The following TMEM144 variants were observed in gnomAD, a reference collection of about 807,000 sequenced individuals.
TMEM144 encodes the protein transmembrane protein 144.
In TMEM144, 39 loss-of-function variants were observed where a neutral mutation model predicts 43.6. That is an observed-to-expected ratio of 0.90 (90% confidence interval 0.69 to 1.17). The LOEUF (loss-of-function observed/expected upper bound fraction) is 1.17. Ranked by LOEUF, TMEM144 falls within the 50% of genes most tolerant of loss-of-function variation. TMEM144 has a pLI of 0.00. For missense variants in TMEM144, 417 were observed against 411.9 expected, an observed-to-expected ratio of 1.01 and a Z score of -0.11; for synonymous variants, 154 against 133.6, an observed-to-expected ratio of 1.15 and a Z score of -1.06.
In TMEM144 at chr4:158,228,306, C is replaced by T. The variant is rs970054746; in HGVS notation, c.414-4595C>T. Among the ~76,000 whole-genome samples, 7 of 152,158 alleles carry T rather than the reference C, an allele frequency of 4.6e-5. No individual in the cohort carries two copies. In the South Asian group the frequency reaches 6.2e-4, roughly 14 times the overall value. On this transcript the variant is annotated intron_variant, in intron 6 of 12. Coordinates refer to ENST00000296529, the MANE Select transcript of TMEM144 (RefSeq NM_018342.5). ...TAAAGGCATGCCATGGGTGATCAGG[C>T]CACGCTTCCACTCAAATGGAGTGGG...
chr4:158,211,090 G>A (rs1157669496), intron 1 of TMEM144: 3 of 152,186 alleles, frequency 2.0e-5, no homozygotes, highest in Non-Finnish European at 4.4e-5. Context: ...TTAGAGAGCG[G>A]TAGAGCCTTT....
chr4:158,249,489 T>C (rs2111155662), intron 12 of TMEM144, among the ~76,000 whole-genome samples: 1 of 152,308 alleles, frequency 6.6e-6, no homozygotes, highest in East Asian at 1.9e-4. Flanking sequence ...CATCCACCTT[T>C]GATGAAGGAA....
At chr4:158,242,346 T>A (rs574238298) in intron 11 of TMEM144, among the ~76,000 whole-genome samples, 1 of 150,364 alleles carries the variant, frequency 6.7e-6, no homozygotes, top group East Asian at 2.0e-4. Context: ...AGTCACTTTA[T>A]CCAAGGACAA....
At chr4:158,220,239 A>G (rs375235250) in intron 6 of TMEM144, among the ~76,000 whole-genome samples, 46 of 152,312 alleles carry the variant, frequency 3.0e-4, no homozygotes, top group African/African-American at 1.1e-3. Context: ...TCCCAGGCCA[A>G]TTGGAGAAAA....
chr4:158,242,693 A>C (rs1334429202), intron 11 of TMEM144, among the ~76,000 whole-genome samples: 1 of 152,198 alleles, frequency 6.6e-6, no homozygotes, highest in Non-Finnish European at 1.5e-5. Flanking sequence ...AAGAAAGAAA[A>C]AAGTCACCTA....
At chr4:158,245,939 AAAAG>A (rs1305166516) in intron 12 of TMEM144, among the ~76,000 whole-genome samples, 2 of 151,974 alleles carry the variant, frequency 1.3e-5, no homozygotes, top group Non-Finnish European at 2.9e-5. Flanking sequence ...TCAAAAAAGA[AAAAG>A]AAAAAAAAAG....
rs1269152391 is a variant in TMEM144, at chr4:158,212,489, A to G, written c.-60-119A>G. On this transcript the variant is annotated intron_variant, in intron 2 of 12. Transcript: ENST00000296529. ...CAAACATTATATATAGTTGTGTAATATCCTATCTGCAAAAAGGAGTCTTAG... is the reference window on the plus strand; with the variant it reads ...CAAACATTATATATAGTTGTGTAATGTCCTATCTGCAAAAAGGAGTCTTAG... 9 of 507,764 alleles carry G rather than the reference A, an allele frequency of 1.8e-5. No homozygotes were observed. The East Asian group carries it at 2.8e-4, about 16-fold the overall frequency. The allele number at this position is 507,764 out of a possible 1,614,324, so 31.5% of individuals were successfully genotyped here.
Position 158,253,654 on chromosome 4 carries a change from T to A in TMEM144, c.*127T>A. On this transcript the variant is annotated 3_prime_UTR_variant, in exon 13 of 13. Coordinates refer to ENST00000296529, the MANE Select transcript of TMEM144 (RefSeq NM_018342.5). ...GGATCTCAGCCACTGTTGGAGTGGGTAAATGATTTTTTTCCCCAAAAATGT... is the reference window on the plus strand; with the variant it reads ...GGATCTCAGCCACTGTTGGAGTGGGAAAATGATTTTTTTCCCCAAAAATGT... 2 of 692,434 alleles carry A rather than the reference T, an allele frequency of 2.9e-6. No homozygotes were observed. The highest frequency in any genetic ancestry group is 4.7e-6 in the Non-Finnish European group (2 of 422,168). 42.9% of individuals were successfully genotyped at this position (692,434 alleles called of 1,614,324 possible).
At chr4:158,238,496 T>C (rs1001983835) in intron 9 of TMEM144, among the ~76,000 whole-genome samples, 2 of 152,208 alleles carry the variant, frequency 1.3e-5, no homozygotes, top group African/African-American at 4.8e-5. Context: ...TGTCTTTCTT[T>C]TGTTAAAATT....
chr4:158,232,928 T>G lies in TMEM144; in HGVS notation c.441T>G (p.Ser147Arg), dbSNP rs775219025. ...VSAFIFLFIK[S>R]EIPNNTCSMD... The stretch of plus-strand genomic sequence containing the variant: ...CTTTCATATTTTTGTTCATCAAAAG[T>G]GAAATACCAAATAACACGTGTTCCA... The change falls in exon 7 of 13, where the codon AGT becomes AGG. Residue 147 changes from serine (S) to arginine (R), a missense_variant. Physicochemically the swap from Ser to Arg is moderately radical, Grantham distance 110. Coordinates refer to ENST00000296529, the MANE Select transcript of TMEM144 (RefSeq NM_018342.5). The G allele has an allele frequency of 1.1e-5, 18 of 1,612,024 alleles. No individual in the cohort carries two copies. In the East Asian group the frequency reaches 4.0e-4, roughly 36 times the overall value.
intron 6 of TMEM144, among the ~76,000 whole-genome samples, chr4:158,222,244 A>G (rs1053935041): frequency 1.3e-5 from 2 of 152,164 alleles, no homozygotes; most frequent in Non-Finnish European, 1.5e-5. Context: ...ACATCAGGGC[A>G]TGTCATTGTC....
At chr4:158,216,490 A>G (rs1560820579) in intron 4 of TMEM144, among the ~76,000 whole-genome samples, 1 of 152,212 alleles carries the variant, frequency 6.6e-6, no homozygotes, top group Non-Finnish European at 1.5e-5. Flanking sequence ...CGATGTTTCT[A>G]CCATAGAGAA....
At chr4:158,241,213 C>T (rs1352797832) in intron 10 of TMEM144, among the ~76,000 whole-genome samples, 20 of 151,538 alleles carry the variant, frequency 1.3e-4, no homozygotes, top group African/African-American at 4.9e-4. Context: ...AGATAATGTT[C>T]GGGTTCAGTA....
rs753314003 is a variant in TMEM144, at chr4:158,241,523, G to A, written c.817G>A (p.Val273Ile). ...EAVLPGFLSG[V>I]LWAIATCCWF... is the part of the protein sequence containing the mutation. ...TTGTATTTCAGGATTCCTGTCAGGA[G>A]TACTTTGGGCTATAGCTACCTGCTG... is the stretch of plus-strand genomic sequence containing the variant. The change falls in exon 11 of 13, where the codon GTA becomes ATA. Residue 273 changes from valine (V) to isoleucine (I), a missense_variant. Coordinates refer to ENST00000296529, the MANE Select transcript of TMEM144 (RefSeq NM_018342.5). The A allele has an allele frequency of 5.0e-6, 8 of 1,613,730 alleles. No individual in the cohort carries two copies. Among genetic ancestry groups the A allele is most frequent in the Non-Finnish European group, 6.8e-6 (8 of 1,179,722 alleles).
Position 158,212,625 on chromosome 4 carries a change from A to C in TMEM144, c.-43A>C. 7.0e-7 allele frequency: 1 copy of C among 1,429,892 alleles called. No individual in the cohort carries two copies. The highest frequency in any genetic ancestry group is 9.6e-7 in the Non-Finnish European group (1 of 1,043,780). 88.6% of individuals were successfully genotyped at this position (1,429,892 alleles called of 1,614,324 possible). A position where few individuals can be genotyped will look rare whatever the true frequency, so the allele number is the denominator to read the frequency against. ...TATTTCAGAAGCTCCTGAAAAGTAC[A>C]TCAAGTCTAAAGTGAACCAGCTAAC... On this transcript the variant is annotated 5_prime_UTR_variant, in exon 3 of 13. Coordinates refer to ENST00000296529, the MANE Select transcript of TMEM144 (RefSeq NM_018342.5).
At chr4:158,248,187 C>A (rs1735991883) in intron 12 of TMEM144, among the ~76,000 whole-genome samples, 1 of 149,608 alleles carries the variant, frequency 6.7e-6, no homozygotes, top group African/African-American at 2.5e-5. Context: ...AGTCCCAGCA[C>A]TTTGGCAAGC....
intron 12 of TMEM144, among the ~76,000 whole-genome samples, chr4:158,247,321 C>A (rs1735940841): frequency 6.6e-6 from 1 of 151,778 alleles, no homozygotes; most frequent in Non-Finnish European, 1.5e-5. Flanking sequence ...TTTCTCCATA[C>A]TATTATACGA....
chr4:158,228,757 C>G (rs1246758402), intron 6 of TMEM144, among the ~76,000 whole-genome samples: 1 of 152,128 alleles, frequency 6.6e-6, no homozygotes, highest in Non-Finnish European at 1.5e-5. Flanking sequence ...AGAAATGTAG[C>G]AGGAGGAGCC....
At chr4:158,218,235 G>A (rs1335740524) in intron 5 of TMEM144, among the ~76,000 whole-genome samples, 1 of 152,168 alleles carries the variant, frequency 6.6e-6, no homozygotes, top group African/African-American at 2.4e-5. Context: ...AATATGGGGA[G>A]AGGCTACTCT....
Sources: gnomAD v4.1 joint callset for allele counts (sites outside exome capture counted in the v4.1 genomes callset) on GRCh38, gnomAD v4.1.1 for gene constraint, MANE v1.5 for transcripts, NCBI Gene and HGNC (gene_info 2026-07-23, HGNC 2026-07-21) for gene names.